The following TMPRSS2 variants were observed in gnomAD, a reference collection of about 807,000 sequenced individuals.
The protein encoded by TMPRSS2 is transmembrane protease serine 2.
Under a neutral mutation model 67.4 loss-of-function variants are expected in TMPRSS2, and 59 were observed. The ratio of observed to expected loss-of-function variants is 0.88; its 90% CI spans 0.71 to 1.09. The LOEUF (loss-of-function observed/expected upper bound fraction) is 1.09, where lower values mean the gene tolerates loss of function less well. TMPRSS2 is among the 50% of genes least tolerant of loss of function. TMPRSS2 has a pLI of 0.00. For synonymous variants in TMPRSS2, 257 were observed against 257.0 expected (o/e 1.00, Z 0.00); for missense variants, 668 against 642.7 (o/e 1.04, Z -0.43).
At position 41,494,513 on chromosome 21, in the gene TMPRSS2, G is replaced by A. The variant is rs141685390; in HGVS notation, c.81C>T (p.Pro27=). The part of the protein sequence containing the change: ...NHGYQPENPY[P]AQPTVVPTVY... ...CAGTGGGGACCACAGTGGGCTGTGC[G>A]GGATAGGGGTTTTCCGGTTGGTATC... Residue 27 remains proline, a synonymous_variant, in exon 3 of 14, where the codon CCC becomes CCT. Coordinates refer to ENST00000332149, the MANE Select transcript of TMPRSS2 (RefSeq NM_005656.4). The A allele has an allele frequency of 1.4e-5, 23 of 1,613,938 alleles. No individual in the cohort carries two copies. The highest frequency in any genetic ancestry group is 1.6e-5 in the Non-Finnish European group (19 of 1,180,008).
At chr21:41,496,829 C>CTTTTT (rs66730350) in intron 2 of TMPRSS2, among the ~76,000 whole-genome samples, 5 of 68,472 alleles carry the variant, frequency 7.3e-5, no homozygotes, top group Admixed American at 1.9e-4. Flanking sequence ...TCTCTCTCTC[C>CTTTTT]TTTTTTTTTT....
chr21:41,507,838 G>A (rs1255185908), intron 1 of TMPRSS2: 4 of 1,226,428 alleles, frequency 3.3e-6, no homozygotes, highest in Non-Finnish European at 4.3e-6. Context: ...CAACAGGGGC[G>A]GCGAGGGCTC....
intron 5 of TMPRSS2, 112 bp from the exon 6 acceptor site, chr21:41,480,714 C>T: frequency 6.9e-7 from 1 of 1,444,686 alleles, no homozygotes; most frequent in Non-Finnish European, 9.4e-7. Flanking sequence ...TCTCCACTCA[C>T]TGCAGCCTCC....
intron 4 of TMPRSS2, 56 bp from the exon 5 acceptor site, chr21:41,488,569 C>T: frequency 6.4e-7 from 1 of 1,555,632 alleles, no homozygotes; most frequent in South Asian, 1.2e-5. Flanking sequence ...CAATGAGCCT[C>T]ATGGAGTGAG....
chr21:41,470,756 G>A lies in TMPRSS2; in HGVS notation c.1076-13C>T. 6.2e-7 allele frequency: 1 copy of A among 1,612,376 alleles called. No homozygotes were observed. The highest frequency in any genetic ancestry group is 8.5e-7 in the Non-Finnish European group (1 of 1,179,638). On this transcript the variant is annotated splice_polypyrimidine_tract_variant and intron_variant, in intron 10 of 13. Coordinates refer to ENST00000332149, the MANE Select transcript of TMPRSS2 (RefSeq NM_005656.4). ...GGTTTCACTAGGTCTGTTTCAAGAA[G>A]AGAAAACACAGTGAGCCAGGCGGGT...
intron 1 of TMPRSS2, 135 bp from the exon 2 acceptor site, chr21:41,498,324 C>G: frequency 1.6e-6 from 1 of 608,678 alleles, no homozygotes; most frequent in Non-Finnish European, 2.9e-6. Flanking sequence ...TGACCTTTGG[C>G]CTGCATCTTC....
Position 41,470,815 on chromosome 21 carries a change from C to T in TMPRSS2, c.1076-72G>A. Reference sequence around the variant, plus strand: ...TGTCTCCACCTGGCCTTCCCACATGCAGGCTGCTGGGCCTGGCACCCTGGC... The same window carrying T: ...TGTCTCCACCTGGCCTTCCCACATGTAGGCTGCTGGGCCTGGCACCCTGGC... On this transcript the variant is annotated intron_variant, in intron 10 of 13. Transcript: ENST00000332149. 7.9e-6 allele frequency: 9 copies of T among 1,136,540 alleles called. No homozygotes were observed. In the South Asian group the frequency reaches 8.7e-5, roughly 11 times the overall value. The allele number at this position is 1,136,540 out of a possible 1,614,324, so 70.4% of individuals were successfully genotyped here. A position where few individuals can be genotyped will look rare whatever the true frequency, so the allele number is the denominator to read the frequency against.
In TMPRSS2 at chr21:41,466,138, T is replaced by A. The variant is rs751166049; in HGVS notation, c.*4A>T. ...AACGACGTCAAGGACGAAGACCATG[T>A]GGATTAGCCGTCTGCCTGTTCAAAT... On this transcript the variant is annotated 3_prime_UTR_variant, in exon 14 of 14. Coordinates refer to ENST00000332149, the MANE Select transcript of TMPRSS2 (RefSeq NM_005656.4). 1 of 1,614,116 alleles carries A rather than the reference T, an allele frequency of 6.2e-7. No homozygotes were observed. The highest frequency in any genetic ancestry group is 1.1e-5 in the South Asian group (1 of 91,060).
At chr21:41,485,080 G>A (rs1238970434) in intron 5 of TMPRSS2, among the ~76,000 whole-genome samples, 4 of 88,588 alleles carry the variant, frequency 4.5e-5, no homozygotes, top group African/African-American at 2.2e-4. Flanking sequence ...TGGGAGTGAT[G>A]CGTGTGTGTG....
chr21:41,464,743 TGCCAACTG>T lies in TMPRSS2; in HGVS notation c.*1391_*1398del. 4.3e-6 allele frequency: 1 copy of T among 233,322 alleles called. No individual in the cohort carries two copies. Among genetic ancestry groups the T allele is most frequent in the Admixed American group, 5.6e-5 (1 of 17,802 alleles). 14.5% of individuals were successfully genotyped at this position (233,322 alleles called of 1,614,324 possible). On this transcript the variant is annotated 3_prime_UTR_variant, in exon 14 of 14. Coordinates refer to ENST00000332149, the MANE Select transcript of TMPRSS2 (RefSeq NM_005656.4). ...GTCTTGGGGAGCAAGCACCTTACAG[TGCCAACTG>T]TTTCCAAGGTCCCTGGGAATGCTGC... is the stretch of plus-strand genomic sequence containing the variant.
At chr21:41,473,235 G>C in intron 9 of TMPRSS2, 90 bp downstream of exon 9, 1 of 1,387,702 alleles carries the variant, frequency 7.2e-7, no homozygotes, top group Non-Finnish European at 9.7e-7. Context: ...AAGGATGCCG[G>C]GGCTGCAAGG....
chr21:41,483,782 T>TTA (rs1555892522), intron 5 of TMPRSS2, among the ~76,000 whole-genome samples: 13 of 150,484 alleles, frequency 8.6e-5, no homozygotes, highest in Admixed American at 4.0e-4. Context: ...TTTTTTTTTT[T>TTA]AAATATTAGG....
chr21:41,479,354 T>C, intron 6 of TMPRSS2, 72 bp from the exon 7 acceptor site: 1 of 1,101,042 alleles, frequency 9.1e-7, no homozygotes, highest in South Asian at 1.3e-5. Flanking sequence ...TATGTCATAA[T>C]ACCGCTCATA....
intron 13 of TMPRSS2, 26 bp from the exon 14 acceptor site, chr21:41,466,179 GT>G (rs768536424): frequency 6.8e-6 from 11 of 1,612,876 alleles, no homozygotes; most frequent in Non-Finnish European, 9.3e-6. Context: ...AAAAAAAAGT[GT>G]GTTATTTTCT....
intron 1 of TMPRSS2, among the ~76,000 whole-genome samples, chr21:41,505,444 G>A (rs1180240573): frequency 6.6e-6 from 1 of 152,206 alleles, no homozygotes; most frequent in Non-Finnish European, 1.5e-5. Context: ...GATCGTGGTG[G>A]TGGTGGTTAC....
At chr21:41,488,348 C>T (rs1294110103) in intron 5 of TMPRSS2, 46 bp downstream of exon 5, 1 of 1,591,576 alleles carries the variant, frequency 6.3e-7, no homozygotes, top group Admixed American at 1.7e-5. Flanking sequence ...GCTGCTGTCT[C>T]CAAGGTGAGC....
intron 5 of TMPRSS2, among the ~76,000 whole-genome samples, chr21:41,480,872 A>G (rs1009085452): frequency 1.9e-4 from 29 of 152,130 alleles, no homozygotes; most frequent in African/African-American, 7.0e-4. Flanking sequence ...TCCTGACCTC[A>G]GGTGATCCCC....
intron 5 of TMPRSS2, among the ~76,000 whole-genome samples, chr21:41,485,254 A>G (rs969239161): frequency 6.6e-6 from 1 of 152,104 alleles, no homozygotes; most frequent in Admixed American, 6.6e-5. Flanking sequence ...AAAGTATTTA[A>G]ATAAATACGA....
At chr21:41,496,494 A>G (rs1363001217) in intron 2 of TMPRSS2, among the ~76,000 whole-genome samples, 1 of 152,260 alleles carries the variant, frequency 6.6e-6, no homozygotes, top group African/African-American at 2.4e-5. Context: ...TTTCTGGGTC[A>G]GAGTGTGGCC....
Sources: allele counts gnomAD v4.1 joint callset (sites outside exome capture counted in the v4.1 genomes callset), GRCh38; gene constraint gnomAD v4.1.1; transcripts MANE v1.5; gene names NCBI Gene and HGNC (gene_info 2026-07-23, HGNC 2026-07-21).